Variants in ZKSCAN4 observed in about 807,000 individuals in gnomAD.
ZKSCAN4 encodes zinc finger with KRAB and SCAN domains 4.
A neutral mutation model predicts 30.8 loss-of-function variants in ZKSCAN4; 23 were observed. The observed-to-expected ratio is 0.75, with a 90% CI of 0.54 to 1.06. The LOEUF (loss-of-function observed/expected upper bound fraction) is 1.06, where lower values mean the gene tolerates loss of function less well. Ranked by LOEUF, ZKSCAN4 falls within the 50% of genes least tolerant of loss-of-function variation. The pLI is 0.00. For missense variants in ZKSCAN4, 556 were observed against 665.4 expected (o/e 0.84, Z 1.81); for synonymous variants, 208 against 252.5 (o/e 0.82, Z 1.67).
chr6:28,250,216 T>C (rs532877176), intron 1 of ZKSCAN4, among the ~76,000 whole-genome samples: 40 of 152,232 alleles, frequency 2.6e-4, no homozygotes, highest in Non-Finnish European at 4.6e-4. Flanking sequence ...TACAGCCATG[T>C]GCCACCACGC....
rs1307949061 is a variant in ZKSCAN4, at chr6:28,245,583, G to A, written c.1171C>T (p.Leu391Phe). Residue 391 changes from leucine to phenylalanine, a missense_variant, in exon 5 of 5, where the codon CTT (leucine) becomes TTT (phenylalanine). Leu to Phe is a conservative substitution (Grantham distance 22). Transcript: ENST00000377294. ...CGKVFSHSSNLIKHQRTHTGE... is the reference protein window; with the variant it reads ...CGKVFSHSSNFIKHQRTHTGE... ...GTGTGGGTTCTCTGGTGTTTGATAAGGTTTGAGCTGTGACTGAAGACCTTA... is the reference window on the plus strand; with the variant it reads ...GTGTGGGTTCTCTGGTGTTTGATAAAGTTTGAGCTGTGACTGAAGACCTTA... The A allele has an allele frequency of 5.0e-6, 8 of 1,614,060 alleles. No individual in the cohort carries two copies. Among genetic ancestry groups the A allele is most frequent in the Non-Finnish European group, 6.8e-6 (8 of 1,180,054 alleles).
In ZKSCAN4 at chr6:28,251,416, A is replaced by G. The variant is rs1206404486; in HGVS notation, c.423+142T>C. The G allele has an allele frequency of 1.5e-6, 2 of 1,342,450 alleles. No individual in the cohort carries two copies. The highest frequency in any genetic ancestry group is 1.4e-5 in the African/African-American group (1 of 69,008). 83.2% of individuals were successfully genotyped at this position (1,342,450 alleles called of 1,614,324 possible). ...TATAATTCTGAGAAGGAGTCCAGGG[A>G]CTTCACCTTACTGCCAAGGAGGTTC... On this transcript the variant is annotated intron_variant, in intron 1 of 4. Coordinates refer to ENST00000377294, the MANE Select transcript of ZKSCAN4 (RefSeq NM_019110.5). The surrounding 1 kb of genome is among the most constrained non-coding windows in gnomAD (Gnocchi z 4.5).
At chr6:28,257,325 T>C in the ZKSCAN4 span, among the ~76,000 whole-genome samples, 1 of 152,042 alleles carries the variant, frequency 6.6e-6, no homozygotes, top group African/African-American at 2.4e-5. Flanking sequence ...TTCTCATAAG[T>C]GGGAGTTTAA....
In ZKSCAN4 at chr6:28,244,732, G is replaced by T. The variant is rs1209188618; in HGVS notation, c.*384C>A. ...AAGACCTCATGGATCTGACCAATTTGTGAAAGATTCATTAGAGGCAAAATG... is the reference window on the plus strand; with the variant it reads ...AAGACCTCATGGATCTGACCAATTTTTGAAAGATTCATTAGAGGCAAAATG... On this transcript the variant is annotated 3_prime_UTR_variant, in exon 5 of 5. Coordinates refer to ENST00000377294, the MANE Select transcript of ZKSCAN4 (RefSeq NM_019110.5). The T allele has an allele frequency of 7.0e-6, 2 of 286,154 alleles. No homozygotes were observed. Among genetic ancestry groups the T allele is most frequent in the Non-Finnish European group, 1.4e-5 (2 of 148,146 alleles). The allele number at this position is 286,154 out of a possible 1,614,324, so 17.7% of individuals were successfully genotyped here. A position where few individuals can be genotyped will look rare whatever the true frequency, so the allele number is the denominator to read the frequency against.
upstream of ZKSCAN4, among the ~76,000 whole-genome samples, chr6:28,253,842 A>T (rs1761101996): frequency 6.6e-6 from 1 of 152,080 alleles, no homozygotes; most frequent in Non-Finnish European, 1.5e-5. This position sits in a 1 kb window ranked among gnomAD's most constrained non-coding sequence, Gnocchi z 4.2. Flanking sequence ...AGTAGCTGGG[A>T]TTACAGACAT....
At chr6:28,255,812 G>T (rs544664522), upstream of ZKSCAN4, among the ~76,000 whole-genome samples, 1 of 151,842 alleles carries the variant, frequency 6.6e-6, no homozygotes, top group Non-Finnish European at 1.5e-5. Flanking sequence ...TGGGCCCTGG[G>T]GGGTAAAGGC....
chr6:28,244,623 A>G lies in ZKSCAN4; in HGVS notation c.*493T>C. 1 of 172,338 alleles carries G rather than the reference A, an allele frequency of 5.8e-6. No homozygotes were observed. The highest frequency in any genetic ancestry group is 5.5e-5 in the Admixed American group (1 of 18,298). The allele number at this position is 172,338 out of a possible 1,614,324, so 10.7% of individuals were successfully genotyped here. A position where few individuals can be genotyped will look rare whatever the true frequency, so the allele number is the denominator to read the frequency against. On this transcript the variant is annotated 3_prime_UTR_variant, in exon 5 of 5. Coordinates refer to ENST00000377294, the MANE Select transcript of ZKSCAN4 (RefSeq NM_019110.5). ...ATTTCTCAGAAATATAGACAACATC[A>G]AATTTTTGGTACAAAGGCCATTTTA...
chr6:28,248,326 G>A (rs1760829940), intron 2 of ZKSCAN4, among the ~76,000 whole-genome samples, 177 bp from the exon 3 acceptor site: 1 of 152,188 alleles, frequency 6.6e-6, no homozygotes, highest in African/African-American at 2.4e-5. Flanking sequence ...AAAGAAGTCT[G>A]GTGCACTCTG....
At position 28,251,438 on chromosome 6, in the gene ZKSCAN4, G is replaced by T; in HGVS notation, c.423+120C>A. The T allele has an allele frequency of 6.5e-7, 1 of 1,539,500 alleles. No individual in the cohort carries two copies. The highest frequency in any genetic ancestry group is 8.9e-7 in the Non-Finnish European group (1 of 1,128,490). On this transcript the variant is annotated intron_variant, in intron 1 of 4. Coordinates refer to ENST00000377294, the MANE Select transcript of ZKSCAN4 (RefSeq NM_019110.5). The surrounding 1 kb of genome is among the most constrained non-coding windows in gnomAD (Gnocchi z 4.5). ...GGGACTTCACCTTACTGCCAAGGAG[G>T]TTCACAGTACAAAAAGAGATGAAGA... is the stretch of plus-strand genomic sequence containing the variant.
chr6:28,248,142 C>G lies in ZKSCAN4; in HGVS notation c.579G>C (p.Gln193His). Residue 193 changes from glutamine (Q) to histidine (H), a missense_variant, in exon 3 of 5, where the codon CAG becomes CAC. Gln to His is a conservative substitution (Grantham distance 24). Coordinates refer to ENST00000377294, the MANE Select transcript of ZKSCAN4 (RefSeq NM_019110.5). Reference protein sequence around the residue: ...GSQPLHDRVLQVPGLAQGGCC... With the variant: ...GSQPLHDRVLHVPGLAQGGCC... ...ACCCTCCCTGGGCAAGCCCAGGAAC[C>G]TGGAGAACTAAGAAAGAAAGAAGCT... 1 of 1,613,056 alleles carries G rather than the reference C, an allele frequency of 6.2e-7. No individual in the cohort carries two copies. The highest frequency in any genetic ancestry group is 8.5e-7 in the Non-Finnish European group (1 of 1,179,418).
upstream of ZKSCAN4, among the ~76,000 whole-genome samples, chr6:28,255,810 G>T (rs547468804): frequency 1.3e-5 from 2 of 151,956 alleles, no homozygotes; most frequent in Non-Finnish European, 1.5e-5. Context: ...TTTGGGCCCT[G>T]GGGGGTAAAG....
chr6:28,245,725 A>G lies in ZKSCAN4; in HGVS notation c.1029T>C (p.Thr343=), dbSNP rs1760688822. The G allele has an allele frequency of 1.2e-6, 2 of 1,614,152 alleles. No individual in the cohort carries two copies. The highest frequency in any genetic ancestry group is 1.7e-6 in the Non-Finnish European group (2 of 1,180,048). The change falls in exon 5 of 5, where the codon ACT becomes ACC. Residue 343 remains threonine (T), a synonymous_variant. Coordinates refer to ENST00000377294, the MANE Select transcript of ZKSCAN4 (RefSeq NM_019110.5). ...CTTCACATTCATAGGGTTTCTCACCAGTGTGGATTCTCCTGTGTTTAGTCA... is the reference window on the plus strand; with the variant it reads ...CTTCACATTCATAGGGTTTCTCACCGGTGTGGATTCTCCTGTGTTTAGTCA... ...SGLTKHRRIH[T]GEKPYECEDC... is the part of the protein sequence containing the mutation.
Position 28,249,562 on chromosome 6 carries a change from C to T in ZKSCAN4, c.571+125G>A. 2 of 1,142,992 alleles carry T rather than the reference C, an allele frequency of 1.7e-6. No individual in the cohort carries two copies. Among genetic ancestry groups the T allele is most frequent in the South Asian group, 2.1e-5 (1 of 46,840 alleles). 70.8% of individuals were successfully genotyped at this position (1,142,992 alleles called of 1,614,324 possible). A position where few individuals can be genotyped will look rare whatever the true frequency, so the allele number is the denominator to read the frequency against. ...CATTGTTTGAAATTTCTCTTAGTCT[C>T]AGTCTTAAAATACAGCTCTCTGTGA... On this transcript the variant is annotated intron_variant, in intron 2 of 4. Coordinates refer to ENST00000377294, the MANE Select transcript of ZKSCAN4 (RefSeq NM_019110.5). The surrounding 1 kb of genome is among the most constrained non-coding windows in gnomAD (Gnocchi z 4.1).
upstream of ZKSCAN4, among the ~76,000 whole-genome samples, chr6:28,256,084 T>C (rs554273763): frequency 6.6e-6 from 1 of 152,170 alleles, no homozygotes; most frequent in African/African-American, 2.4e-5. Flanking sequence ...AGGTAAATGA[T>C]ATATGGGTGT....
In ZKSCAN4 at chr6:28,249,548, A is replaced by C; in HGVS notation, c.571+139T>G. On this transcript the variant is annotated intron_variant, in intron 2 of 4. Coordinates refer to ENST00000377294, the MANE Select transcript of ZKSCAN4 (RefSeq NM_019110.5). This position sits in a 1 kb window ranked among gnomAD's most constrained non-coding sequence, Gnocchi z 4.1. ...GGAAAGTTTTTCACCATTGTTTGAA[A>C]TTTCTCTTAGTCTCAGTCTTAAAAT... 1 of 1,036,528 alleles carries C rather than the reference A, an allele frequency of 9.6e-7. No individual in the cohort carries two copies. 64.2% of individuals were successfully genotyped at this position (1,036,528 alleles called of 1,614,324 possible). A position where few individuals can be genotyped will look rare whatever the true frequency, so the allele number is the denominator to read the frequency against.
Position 28,247,074 on chromosome 6 carries a change from C to T in ZKSCAN4, c.673G>A (p.Asp225Asn). The T allele has an allele frequency of 1.9e-6, 3 of 1,609,856 alleles. No individual in the cohort carries two copies. The highest frequency in any genetic ancestry group is 2.5e-6 in the Non-Finnish European group (3 of 1,178,140). Residue 225 changes from aspartate (D) to asparagine (N), a missense_variant, in exon 4 of 5, where the codon GAT (aspartate) becomes AAT (asparagine). By Grantham distance (23) the Asp-to-Asn change is conservative. Around this residue, in one of 3 missense-constraint regions of ZKSCAN4, gnomAD observed 433 missense variants for 511.5 expected, o/e 0.85. Coordinates refer to ENST00000377294, the MANE Select transcript of ZKSCAN4 (RefSeq NM_019110.5). ...CCAGGAGTGAGGGTCAGGGCCACAT[C>T]TTCCATTTTCAGCAAACCCTAAAAC... Reference protein sequence around the residue: ...PGSQGLLKMEDVALTLTPGWT... With the variant: ...PGSQGLLKMENVALTLTPGWT...
rs1463000715 is a variant in ZKSCAN4, at chr6:28,244,463, T to A, written c.*653A>T. ...TTTAAGGCATTCTTCTCATCTCTAC[T>A]ATCATGGTAGAGAAATATGGATTCC... On this transcript the variant is annotated 3_prime_UTR_variant, in exon 5 of 5. Transcript: ENST00000377294. Among the ~76,000 whole-genome samples the A allele has an allele frequency of 2.6e-5, 4 of 152,172 alleles. No homozygotes were observed. The highest frequency in any genetic ancestry group is 7.2e-5 in the African/African-American group (3 of 41,440).
At chr6:28,253,945 C>G (rs1471924313), upstream of ZKSCAN4, among the ~76,000 whole-genome samples, 1 of 152,178 alleles carries the variant, frequency 6.6e-6, no homozygotes, top group Non-Finnish European at 1.5e-5. This position sits in a 1 kb window ranked among gnomAD's most constrained non-coding sequence, Gnocchi z 4.2. Context: ...AGCCACCACG[C>G]CTGGCCAACT....
In ZKSCAN4 at chr6:28,252,132, C is replaced by T; in HGVS notation, c.-152G>A. 1 of 733,696 alleles carries T rather than the reference C, an allele frequency of 1.4e-6. No individual in the cohort carries two copies. Among genetic ancestry groups the T allele is most frequent in the Non-Finnish European group, 2.2e-6 (1 of 464,870 alleles). The allele number at this position is 733,696 out of a possible 1,614,324, so 45.4% of individuals were successfully genotyped here. A position where few individuals can be genotyped will look rare whatever the true frequency, so the allele number is the denominator to read the frequency against. On this transcript the variant is annotated 5_prime_UTR_variant, in exon 1 of 5. Coordinates refer to ENST00000377294, the MANE Select transcript of ZKSCAN4 (RefSeq NM_019110.5). ...CAGGACACCCCCTGAGGCGCAGCTG[C>T]ACAGATCTCTCTTATAGTCCGTGCC... is the stretch of plus-strand genomic sequence containing the variant.
Sources: gnomAD v4.1 joint callset for allele counts (sites outside exome capture counted in the v4.1 genomes callset) on GRCh38, gnomAD v4.1.1 for gene constraint, gnomAD v4.1.1 regional missense constraint, Gnocchi (gnomAD v3.1) non-coding constraint, MANE v1.5 for transcripts, NCBI Gene and HGNC (gene_info 2026-07-23, HGNC 2026-07-21) for gene names.